The following OTOP2 variants were observed in gnomAD, a reference collection of about 807,000 sequenced individuals.
OTOP2 encodes proton channel OTOP2.
Under a neutral mutation model 47.4 loss-of-function variants are expected in OTOP2, and 41 were observed. The observed-to-expected ratio is 0.87, with a 90% confidence interval of 0.67 to 1.12. The LOEUF is 1.12. Among genes scored for constraint, OTOP2 ranks in the 50% most tolerant of loss-of-function variants. OTOP2 has a pLI of 0.00. For missense variants in OTOP2, 721 were observed against 752.2 expected (o/e 0.96, Z 0.49); for synonymous variants, 328 against 319.6 (o/e 1.03, Z -0.28).
intron 6 of OTOP2, 45 bp downstream of exon 6, chr17:74,931,198 G>A (rs1473495190): frequency 2.6e-6 from 4 of 1,539,190 alleles, no homozygotes; most frequent in Non-Finnish European, 3.5e-6. Flanking sequence ...AGAAGAGACT[G>A]AGGAAGGATG....
Position 74,930,625 on chromosome 17 carries a change from C to T in OTOP2, c.990C>T (p.Ser330=). 6.2e-7 allele frequency: 1 copy of T among 1,614,054 alleles called. No homozygotes were observed. The change falls in exon 6 of 7, where the codon AGC becomes AGT. Residue 330 remains serine, a synonymous_variant. Coordinates refer to ENST00000331427, the MANE Select transcript of OTOP2 (RefSeq NM_178160.3). The surrounding 1 kb of genome is among the most constrained non-coding windows in gnomAD (Gnocchi z 4.0). ...RTRQALVIYY[S]FNIVCLGLTT... is the part of the protein sequence containing the mutation. ...GGCAGGCCCTGGTCATCTACTACAGCTTCAACATTGTCTGCTTGGGACTCA... is the reference window on the plus strand; with the variant it reads ...GGCAGGCCCTGGTCATCTACTACAGTTTCAACATTGTCTGCTTGGGACTCA...
chr17:74,925,916 G>A (rs2039003503), intron 3 of OTOP2, among the ~76,000 whole-genome samples: 1 of 152,206 alleles, frequency 6.6e-6, no homozygotes, highest in Non-Finnish European at 1.5e-5. Context: ...GCTCTGCAAT[G>A]TTATTTCAAC....
At chr17:74,927,571 T>G in intron 4 of OTOP2, 94 bp from the exon 5 acceptor site, 1 of 1,504,688 alleles carries the variant, frequency 6.6e-7, no homozygotes. Context: ...AGGGCCTGGC[T>G]GCTTTATCAT....
chr17:74,927,400 C>G, intron 4 of OTOP2, 119 bp downstream of exon 4: 1 of 1,247,396 alleles, frequency 8.0e-7, no homozygotes, highest in East Asian at 2.3e-5. Flanking sequence ...GGGTTGCAGC[C>G]AAGCCCTCCT....
intron 3 of OTOP2, among the ~76,000 whole-genome samples, chr17:74,926,032 T>C (rs1044992549): frequency 5.3e-5 from 8 of 152,248 alleles, no homozygotes; most frequent in Admixed American, 3.3e-4. Flanking sequence ...GGGGCTTCTG[T>C]GTCAGCCCAG....
Position 74,924,902 on chromosome 17 carries a change from G to T in OTOP2, c.270G>T (p.Ala90=), listed in dbSNP as rs1318219839. Reference sequence around the variant, plus strand: ...TCCGAACCGTGCGCTGCCCCTGCGCGGTACCCTACCGGGACGCGCACGCTG... The same window carrying T: ...TCCGAACCGTGCGCTGCCCCTGCGCTGTACCCTACCGGGACGCGCACGCTG... ...YLLRTVRCPC[A]VPYRDAHAGP... Residue 90 remains alanine (A), a synonymous_variant, in exon 2 of 7, where the codon GCG becomes GCT. Transcript: ENST00000331427. This position sits in a 1 kb window ranked among gnomAD's most constrained non-coding sequence, Gnocchi z 7.7. The T allele has an allele frequency of 6.3e-7, 1 of 1,592,056 alleles. No individual in the cohort carries two copies. The highest frequency in any genetic ancestry group is 2.3e-5 in the East Asian group (1 of 43,896).
rs773415911 is a variant in OTOP2 at position 74,924,669 on chromosome 17, C to T, written c.37C>T (p.Pro13Ser). 8 of 1,592,620 alleles carry T rather than the reference C, an allele frequency of 5.0e-6. No individual in the cohort carries two copies. The highest frequency in any genetic ancestry group is 6.8e-6 in the Non-Finnish European group (8 of 1,173,234). The change falls in exon 2 of 7, where the codon CCC (proline) becomes TCC (serine). Residue 13 changes from proline to serine, a missense_variant. Transcript: ENST00000331427. This position sits in a 1 kb window ranked among gnomAD's most constrained non-coding sequence, Gnocchi z 7.7. ...EELAQGPKESPPAPRAGPREV... is the reference protein window; with the variant it reads ...EELAQGPKESSPAPRAGPREV... ...GCTGGCCCAGGGCCCCAAGGAGAGC[C>T]CCCCGGCGCCGCGTGCGGGCCCCAG...
intron 3 of OTOP2, 104 bp downstream of exon 3, chr17:74,925,796 C>A: frequency 6.6e-7 from 1 of 1,509,772 alleles, no homozygotes; most frequent in South Asian, 1.2e-5. Context: ...GCCTCGTATC[C>A]TGAGCTATTA....
chr17:74,927,179 C>T lies in OTOP2; in HGVS notation c.451-44C>T, dbSNP rs368631058. The T allele has an allele frequency of 3.2e-6, 5 of 1,544,066 alleles. No individual in the cohort carries two copies. The African/African-American group carries it at 4.1e-5, about 13-fold the overall frequency. The stretch of plus-strand genomic sequence containing the variant: ...GGACTTGGGTGCGCTGGAGTTTTGT[C>T]CATCTATGGAGTAAATGACTCTCAC... On this transcript the variant is annotated intron_variant, in intron 3 of 6. Coordinates refer to ENST00000331427, the MANE Select transcript of OTOP2 (RefSeq NM_178160.3).
At chr17:74,927,349 T>C in intron 4 of OTOP2, 68 bp downstream of exon 4, 1 of 1,526,336 alleles carries the variant, frequency 6.6e-7, no homozygotes, top group Non-Finnish European at 9.1e-7. Context: ...GATTCAGGCT[T>C]TCCACCCTGG....
At position 74,930,390 on chromosome 17, in the gene OTOP2, T is replaced by C. The variant is rs1363466632; in HGVS notation, c.755T>C (p.Leu252Pro). 3 of 1,614,052 alleles carry C rather than the reference T, an allele frequency of 1.9e-6. No individual in the cohort carries two copies. Among genetic ancestry groups the C allele is most frequent in the Non-Finnish European group, 2.5e-6 (3 of 1,180,034 alleles). ...TATCCCTTCAACATCGAGTACAGCCTCTTCGCCTCCACCATGCTGTATGTC... is the reference window on the plus strand; with the variant it reads ...TATCCCTTCAACATCGAGTACAGCCCCTTCGCCTCCACCATGCTGTATGTC... ...YLYPFNIEYS[L>P]FASTMLYVMW... The change falls in exon 6 of 7, where the codon CTC (leucine) becomes CCC (proline). Residue 252 changes from leucine (L) to proline (P), a missense_variant. Transcript: ENST00000331427. The surrounding 1 kb of genome is among the most constrained non-coding windows in gnomAD (Gnocchi z 4.0).
rs1374362069 is a variant in OTOP2 at position 74,924,846 on chromosome 17, C to T, written c.214C>T (p.Leu72=). ...CGCGCTGCTCACTGCGATGATGCTG[C>T]TGGCAACGCTCTGGATCCTCTTCTA... ...VFALLTAMML[L]ATLWILFYLL... The change falls in exon 2 of 7, where the codon CTG becomes TTG. Residue 72 remains leucine (L), a synonymous_variant. Transcript: ENST00000331427. This position sits in a 1 kb window ranked among gnomAD's most constrained non-coding sequence, Gnocchi z 7.7. 17 of 1,609,140 alleles carry T rather than the reference C, an allele frequency of 1.1e-5. No homozygotes were observed. The highest frequency in any genetic ancestry group is 1.7e-5 in the Admixed American group (1 of 59,366).
chr17:74,930,560 A>G lies in OTOP2; in HGVS notation c.925A>G (p.Ile309Val). 5.6e-6 allele frequency: 9 copies of G among 1,613,350 alleles called. No homozygotes were observed. The highest frequency in any genetic ancestry group is 7.6e-6 in the Non-Finnish European group (9 of 1,179,550). The part of the protein sequence containing the change: ...LFVVGLAVFI[I>V]YEVQVSGDGS... ...CGTGGTGGGGCTGGCTGTCTTCATC[A>G]TCTACGAGGTTCAAGTGAGCGGGGA... The change falls in exon 6 of 7, where the codon ATC becomes GTC. Residue 309 changes from isoleucine (I) to valine (V), a missense_variant. By Grantham distance (29) the Ile-to-Val change is conservative. Coordinates refer to ENST00000331427, the MANE Select transcript of OTOP2 (RefSeq NM_178160.3). This position sits in a 1 kb window ranked among gnomAD's most constrained non-coding sequence, Gnocchi z 4.0.
At chr17:74,925,841 A>G in intron 3 of OTOP2, 149 bp downstream of exon 3, 1 of 1,199,786 alleles carries the variant, frequency 8.3e-7, no homozygotes, top group Non-Finnish European at 1.2e-6. Context: ...AGAGCATCAC[A>G]GGAGTCCATC....
chr17:74,924,275 A>G lies in OTOP2; in HGVS notation c.-92A>G, dbSNP rs574368655. The G allele has an allele frequency of 6.8e-6, 2 of 292,318 alleles. No homozygotes were observed. Among genetic ancestry groups the G allele is most frequent in the South Asian group, 1.7e-4 (2 of 11,432 alleles). The allele number at this position is 292,318 out of a possible 1,614,324, so 18.1% of individuals were successfully genotyped here. A position where few individuals can be genotyped will look rare whatever the true frequency, so the allele number is the denominator to read the frequency against. On this transcript the variant is annotated 5_prime_UTR_variant, in exon 1 of 7. Coordinates refer to ENST00000331427, the MANE Select transcript of OTOP2 (RefSeq NM_178160.3). This position sits in a 1 kb window ranked among gnomAD's most constrained non-coding sequence, Gnocchi z 7.7. ...GCGCCTGTCCATCTCGGCGTGGGAGAGAGGAGACGCTCGCCGTCCCCTGAC... is the reference window on the plus strand; with the variant it reads ...GCGCCTGTCCATCTCGGCGTGGGAGGGAGGAGACGCTCGCCGTCCCCTGAC...
Position 74,925,479 on chromosome 17 carries a change from G to T in OTOP2, c.314-77G>T. 5 of 1,572,814 alleles carry T rather than the reference G, an allele frequency of 3.2e-6. 1 individual carries two copies. In the South Asian group the frequency reaches 3.6e-5, roughly 11 times the overall value. ...ACCCATCTAGCCTCCCATCCTCAGG[G>T]CCTGTCCTCAGCTCGGCAGGCCTTC... is the stretch of plus-strand genomic sequence containing the variant. On this transcript the variant is annotated intron_variant, in intron 2 of 6. Transcript: ENST00000331427.
In OTOP2 at chr17:74,924,863, C is replaced by T. The variant is rs373149079; in HGVS notation, c.231C>T (p.Ile77=). Residue 77 remains isoleucine, a synonymous_variant, in exon 2 of 7, where the codon ATC becomes ATT. Coordinates refer to ENST00000331427, the MANE Select transcript of OTOP2 (RefSeq NM_178160.3). This position sits in a 1 kb window ranked among gnomAD's most constrained non-coding sequence, Gnocchi z 7.7. ...TGATGCTGCTGGCAACGCTCTGGATCCTCTTCTACCTCCTCCGAACCGTGC... is the reference window on the plus strand; with the variant it reads ...TGATGCTGCTGGCAACGCTCTGGATTCTCTTCTACCTCCTCCGAACCGTGC... ...TAMMLLATLW[I]LFYLLRTVRC... 6.2e-7 allele frequency: 1 copy of T among 1,605,806 alleles called. No individual in the cohort carries two copies. The highest frequency in any genetic ancestry group is 1.3e-5 in the African/African-American group (1 of 75,006).
chr17:74,926,209 G>A (rs1216833884), intron 3 of OTOP2, among the ~76,000 whole-genome samples: 1 of 152,162 alleles, frequency 6.6e-6, no homozygotes, highest in Non-Finnish European at 1.5e-5. Context: ...GATCAGAACA[G>A]CCCCCAGCCC....
Position 74,924,818 on chromosome 17 carries a change from G to C in OTOP2, c.186G>C (p.Val62=), listed in dbSNP as rs759824861. The stretch of plus-strand genomic sequence containing the variant: ...AGGTGGCCGTGTACGACACCGACGT[G>C]TTCGCGCTGCTCACTGCGATGATGC... ...FNKVAVYDTD[V]FALLTAMMLL... Residue 62 remains valine, a synonymous_variant, in exon 2 of 7, where the codon GTG becomes GTC. Coordinates refer to ENST00000331427, the MANE Select transcript of OTOP2 (RefSeq NM_178160.3). This position sits in a 1 kb window ranked among gnomAD's most constrained non-coding sequence, Gnocchi z 7.7. 2 of 1,611,590 alleles carry C rather than the reference G, an allele frequency of 1.2e-6. No homozygotes were observed. Among genetic ancestry groups the C allele is most frequent in the Non-Finnish European group, 1.7e-6 (2 of 1,179,128 alleles).
Sources: gnomAD v4.1 joint callset for allele counts (sites outside exome capture counted in the v4.1 genomes callset) on GRCh38, gnomAD v4.1.1 for gene constraint, Gnocchi (gnomAD v3.1) non-coding constraint, MANE v1.5 for transcripts, NCBI Gene and HGNC (gene_info 2026-07-23, HGNC 2026-07-21) for gene names.